RAD51B: variants seen among roughly 807,000 people sequenced by gnomAD.
RAD51B encodes the protein RAD51 paralog B.
A neutral mutation model predicts 42.2 loss-of-function variants in RAD51B; 38 were observed. The observed-to-expected ratio is 0.90, with a 90% CI of 0.70 to 1.18. The LOEUF is 1.18. RAD51B is among the 50% of genes most tolerant of loss of function. The probability of loss-of-function intolerance (pLI) is 0.00; values close to 1 mark genes in which losing one functional copy is unlikely to be tolerated. For missense variants in RAD51B, 373 were observed against 400.7 expected (o/e 0.93, Z 0.59); for synonymous variants, 154 against 145.2 (o/e 1.06, Z -0.43).
At chr14:68,143,215 A>G (rs1446793775) in intron 7 of RAD51B, among the ~76,000 whole-genome samples, 1 of 152,182 alleles carries the variant, frequency 6.6e-6, no homozygotes, top group Non-Finnish European at 1.5e-5. Flanking sequence ...CTGTAAAATC[A>G]GTCTGATCAG....
chr14:68,270,427 G>T (rs1252284199), intron 7 of RAD51B, among the ~76,000 whole-genome samples: 1 of 152,160 alleles, frequency 6.6e-6, no homozygotes. Flanking sequence ...GATTATTTCT[G>T]TAATTTCCCA....
intron 8 of RAD51B, among the ~76,000 whole-genome samples, chr14:68,293,030 C>G (rs1028171420): frequency 7.2e-5 from 11 of 152,104 alleles, no homozygotes; most frequent in Non-Finnish European, 1.6e-4. Flanking sequence ...TCCTTTGTCC[C>G]CTCTTTTTTG....
At chr14:68,224,535 CTA>C (rs1168896946) in intron 7 of RAD51B, among the ~76,000 whole-genome samples, 1 of 152,086 alleles carries the variant, frequency 6.6e-6, no homozygotes, top group Admixed American at 6.5e-5. Context: ...TTATTATGAT[CTA>C]TTCATATTTA....
intron 5 of RAD51B, among the ~76,000 whole-genome samples, chr14:67,869,141 C>A (rs1275641665): frequency 6.6e-6 from 1 of 152,088 alleles, no homozygotes; most frequent in Admixed American, 6.5e-5. Flanking sequence ...TTACTCCGAG[C>A]TACGGGAGGA....
rs953269870 is a variant in RAD51B, at chr14:68,339,236, C to G, written c.853+47256C>G. 1.4e-5 allele frequency: 16 copies of G among 1,143,748 alleles called. No individual in the cohort carries two copies. The African/African-American group carries it at 2.1e-4, about 15-fold the overall frequency. The allele number at this position is 1,143,748 out of a possible 1,614,324, so 70.8% of individuals were successfully genotyped here. A position where few individuals can be genotyped will look rare whatever the true frequency, so the allele number is the denominator to read the frequency against. ...TTGTCTCTGGCCTGTACTTGTGGGCCAGCTTAAGCAGCTGAGTAGCTGTTT... is the reference window on the plus strand; with the variant it reads ...TTGTCTCTGGCCTGTACTTGTGGGCGAGCTTAAGCAGCTGAGTAGCTGTTT... On this transcript the variant is annotated intron_variant, in intron 8 of 10. Transcript: ENST00000471583.
intron 7 of RAD51B, among the ~76,000 whole-genome samples, chr14:67,906,172 A>G (rs1250134472): frequency 6.6e-6 from 1 of 151,840 alleles, no homozygotes; most frequent in Non-Finnish European, 1.5e-5. Context: ...TTTTGTTTTT[A>G]GTTTTGTTTA....
intron 7 of RAD51B, among the ~76,000 whole-genome samples, chr14:68,126,227 G>A (rs1054463222): frequency 4.6e-5 from 7 of 151,908 alleles, no homozygotes; most frequent in South Asian, 2.1e-4. Context: ...TTAAATATTC[G>A]TATTCATAAT....
chr14:68,108,740 T>C (rs192856186), intron 7 of RAD51B, among the ~76,000 whole-genome samples: 8 of 152,070 alleles, frequency 5.3e-5, no homozygotes, highest in Non-Finnish European at 1.0e-4. Flanking sequence ...CTGAATTATA[T>C]ACTTTAAAAG....
At chr14:68,669,407 T>C (rs1036338909) in intron 11 of RAD51B, among the ~76,000 whole-genome samples, 4 of 152,302 alleles carry the variant, frequency 2.6e-5, no homozygotes, top group African/African-American at 9.6e-5. Flanking sequence ...GGCTGCAGAA[T>C]GGCCCTGGAC....
intron 7 of RAD51B, among the ~76,000 whole-genome samples, chr14:68,237,531 C>T (rs771072255): frequency 6.6e-6 from 1 of 152,080 alleles, no homozygotes; most frequent in Non-Finnish European, 1.5e-5. Context: ...AGTTTGAGAA[C>T]ATTTTTACTC....
At chr14:68,648,143 AT>A (rs1892620354) in intron 10 of RAD51B, among the ~76,000 whole-genome samples, 1 of 120,988 alleles carries the variant, frequency 8.3e-6, no homozygotes, top group Non-Finnish European at 1.8e-5. Context: ...GTATATATAT[AT>A]ATACACACAC....
chr14:68,053,841 A>G (rs2076432220), intron 7 of RAD51B, among the ~76,000 whole-genome samples: 1 of 152,222 alleles, frequency 6.6e-6, no homozygotes, highest in African/African-American at 2.4e-5. Context: ...TGTATCTCAC[A>G]AATATCCTGA....
At chr14:67,924,214 C>A (rs1036288221) in intron 7 of RAD51B, among the ~76,000 whole-genome samples, 1 of 152,114 alleles carries the variant, frequency 6.6e-6, no homozygotes, top group Admixed American at 6.6e-5. Flanking sequence ...TTTTGCTGTG[C>A]AGAGGCTTTT....
intron 7 of RAD51B, among the ~76,000 whole-genome samples, chr14:68,167,373 T>G (rs532694497): frequency 3.6e-4 from 55 of 152,338 alleles, no homozygotes; most frequent in African/African-American, 1.2e-3. Flanking sequence ...TCCCTCCTTG[T>G]ATCCCATCAT....
At chr14:68,561,157 T>C (rs1889128130) in intron 10 of RAD51B, among the ~76,000 whole-genome samples, 1 of 152,208 alleles carries the variant, frequency 6.6e-6, no homozygotes, top group Non-Finnish European at 1.5e-5. Flanking sequence ...AGAACTCCCA[T>C]GCTGGCTCCC....
In RAD51B at chr14:68,012,696, C is replaced by T. The variant is rs549721153; in HGVS notation, c.756+125492C>T. Among the ~76,000 whole-genome samples the T allele has an allele frequency of 2.2e-4, 33 of 152,024 alleles. No homozygotes were observed. The South Asian group carries it at 6.9e-3, about 32-fold the overall frequency. On this transcript the variant is annotated intron_variant, in intron 7 of 10. Coordinates refer to ENST00000471583, the MANE Select transcript of RAD51B (RefSeq NM_133510.4). ...ATATAAAATAAAAATATAACAGTATCCTTATAGGGTTATTGGGAGCATTAA... is the reference window on the plus strand; with the variant it reads ...ATATAAAATAAAAATATAACAGTATTCTTATAGGGTTATTGGGAGCATTAA...
chr14:68,351,344 T>G (rs1015539340), intron 8 of RAD51B, among the ~76,000 whole-genome samples: 2 of 152,194 alleles, frequency 1.3e-5, no homozygotes, highest in Admixed American at 1.3e-4. Flanking sequence ...CCAAAAGTGT[T>G]GAGGGAGAAT....
At chr14:68,331,612 C>T (rs1372098409) in intron 8 of RAD51B, among the ~76,000 whole-genome samples, 1 of 152,094 alleles carries the variant, frequency 6.6e-6, no homozygotes, top group Admixed American at 6.6e-5. Flanking sequence ...CAACTGGGTT[C>T]TGCAATTTCC....
At chr14:68,395,780 G>C (rs28669317) in intron 8 of RAD51B, among the ~76,000 whole-genome samples, 12,489 of 152,182 alleles carry the variant, frequency 0.082, 1,711 homozygotes, top group African/African-American at 0.29. Context: ...ACATCAAGGG[G>C]TGTTTGCCCC....
Sources: gnomAD v4.1 joint callset for allele counts (sites outside exome capture counted in the v4.1 genomes callset) on GRCh38, gnomAD v4.1.1 for gene constraint, MANE v1.5 for transcripts, NCBI Gene and HGNC (gene_info 2026-07-23, HGNC 2026-07-21) for gene names.